RNF216: variants seen among roughly 807,000 people sequenced by gnomAD.
RNF216 encodes E3 ubiquitin-protein ligase RNF216.
In RNF216, 72 loss-of-function variants were observed where a neutral mutation model predicts 110.8. The observed-to-expected ratio is 0.65, with a 90% CI of 0.54 to 0.79. RNF216 has a LOEUF of 0.79. Ranked by LOEUF, RNF216 falls within the 30% of genes least tolerant of loss-of-function variation. The probability of loss-of-function intolerance (pLI) is 0.00; values close to 1 mark genes in which losing one functional copy is unlikely to be tolerated. For missense variants in RNF216, 1,342 were observed against 1,141.2 expected, an observed-to-expected ratio of 1.18 and a Z score of -2.54; for synonymous variants, 495 against 407.5, an observed-to-expected ratio of 1.21 and a Z score of -2.59.
At chr7:5,699,442 C>T (rs954075899) in intron 13 of RNF216, among the ~76,000 whole-genome samples, 3 of 152,164 alleles carry the variant, frequency 2.0e-5, no homozygotes, top group African/African-American at 7.2e-5. Flanking sequence ...TAGCAAATAC[C>T]TAGACCTCAG....
chr7:5,630,439 G>A (rs995378480), intron 15 of RNF216, among the ~76,000 whole-genome samples: 2 of 152,128 alleles, frequency 1.3e-5, no homozygotes, highest in East Asian at 3.9e-4. Flanking sequence ...GTAAAATGGC[G>A]TGATTATAGC....
intron 13 of RNF216, among the ~76,000 whole-genome samples, chr7:5,690,705 G>A (rs923568022): frequency 2.0e-4 from 31 of 152,150 alleles, no homozygotes; most frequent in African/African-American, 7.2e-4. Context: ...GAAGTGCCCA[G>A]GGCTAGTGAG....
chr7:5,621,942 G>C lies in RNF216; in HGVS notation c.*918C>G, dbSNP rs987470280. On this transcript the variant is annotated 3_prime_UTR_variant, in exon 17 of 17. Transcript: ENST00000389902. ...TTCAGCAACCACTGAGAACACCCGG[G>C]GCACACACGGGGCAGGGGTGGCACC... 1 of 152,438 alleles carries C rather than the reference G, an allele frequency of 6.6e-6. No individual in the cohort carries two copies. 9.4% of individuals were successfully genotyped at this position (152,438 alleles called of 1,614,324 possible). A position where few individuals can be genotyped will look rare whatever the true frequency, so the allele number is the denominator to read the frequency against.
chr7:5,752,957 C>A lies in RNF216; in HGVS notation c.90G>T (p.Gly30=). The change falls in exon 3 of 17, where the codon GGG becomes GGT. Residue 30 remains glycine (G), a synonymous_variant. Transcript: ENST00000389902. ...CTGAGGAGTCAGATATGGTGATGGG[C>A]CCATCTCGGAGATTGATCCACTCTA... The part of the protein sequence containing the change: ...RGQEWINLRD[G]PITISDSSDE... 6.2e-7 allele frequency: 1 copy of A among 1,611,126 alleles called. No individual in the cohort carries two copies. Among genetic ancestry groups the A allele is most frequent in the Non-Finnish European group, 8.5e-7 (1 of 1,178,806 alleles).
chr7:5,722,307 A>C (rs1250228645), intron 8 of RNF216, among the ~76,000 whole-genome samples: 1 of 148,000 alleles, frequency 6.8e-6, no homozygotes, highest in Non-Finnish European at 1.5e-5. Context: ...TGATTTTAAT[A>C]TTTACTATCT....
chr7:5,723,646 C>CAAA (rs948474564), intron 8 of RNF216, among the ~76,000 whole-genome samples: 1 of 136,802 alleles, frequency 7.3e-6, no homozygotes, highest in Non-Finnish European at 1.6e-5. Flanking sequence ...GACTCCGTCT[C>CAAA]AAAAAAAAAA....
chr7:5,630,821 C>A (rs577103173), intron 15 of RNF216, among the ~76,000 whole-genome samples: 9 of 152,318 alleles, frequency 5.9e-5, no homozygotes, highest in African/African-American at 2.2e-4. Context: ...CTCCCTGAGT[C>A]AGGCACTATG....
chr7:5,741,554 C>G lies in RNF216; in HGVS notation c.463G>C (p.Glu155Gln). 2 of 1,614,170 alleles carry G rather than the reference C, an allele frequency of 1.2e-6. No homozygotes were observed. The highest frequency in any genetic ancestry group is 1.7e-6 in the Non-Finnish European group (2 of 1,180,038). ...FTKPSGQTEREPKPGPSHNQA... is the reference protein window; with the variant it reads ...FTKPSGQTERQPKPGPSHNQA... The stretch of plus-strand genomic sequence containing the variant: ...TTATGACTCGGTCCAGGCTTGGGTT[C>G]TCTTTCTGTTTGGCCACTTGGCTTA... Residue 155 changes from glutamate to glutamine, a missense_variant, in exon 4 of 17, where the codon GAA becomes CAA. Physicochemically the swap from Glu to Gln is conservative, Grantham distance 29. Transcript: ENST00000389902.
chr7:5,716,902 A>T, intron 9 of RNF216, 136 bp from the exon 10 acceptor site: 1 of 578,858 alleles, frequency 1.7e-6, no homozygotes, highest in Non-Finnish European at 2.9e-6. Flanking sequence ...CAAAAAGGTT[A>T]CCTGTGAATA....
intron 3 of RNF216, among the ~76,000 whole-genome samples, chr7:5,746,232 G>A (rs1302533919): frequency 6.6e-6 from 1 of 152,194 alleles, no homozygotes; most frequent in Non-Finnish European, 1.5e-5. Context: ...AGGCTGCACT[G>A]TGAGAGAGCA....
intron 13 of RNF216, among the ~76,000 whole-genome samples, chr7:5,670,840 G>A (rs942378588): frequency 6.6e-6 from 1 of 152,176 alleles, no homozygotes; most frequent in Non-Finnish European, 1.5e-5. Context: ...TGTAGTGGTG[G>A]CCATATAAGG....
chr7:5,623,066 G>C lies in RNF216; in HGVS notation c.2566C>G (p.Pro856Ala), dbSNP rs777866534. The stretch of plus-strand genomic sequence containing the variant: ...AAGGGTGGGTGCGCGAAGGCATAGG[G>C]TGGCATCTGTGGCTGTGGCAGGTTC... ...PQNLPQPQMP[P>A]YAFAHPPFPL... Residue 856 changes from proline to alanine, a missense_variant, in exon 17 of 17, where the codon CCC becomes GCC. By Grantham distance (27) the Pro-to-Ala change is conservative. Coordinates refer to ENST00000389902, the MANE Select transcript of RNF216 (RefSeq NM_207111.4). 1 of 1,613,056 alleles carries C rather than the reference G, an allele frequency of 6.2e-7. No homozygotes were observed. The highest frequency in any genetic ancestry group is 2.2e-5 in the East Asian group (1 of 44,852).
chr7:5,634,307 G>A (rs777967278), intron 15 of RNF216, among the ~76,000 whole-genome samples: 1 of 152,202 alleles, frequency 6.6e-6, no homozygotes, highest in Non-Finnish European at 1.5e-5. Context: ...TGAGATTCTG[G>A]GGGTGGGTTG....
At chr7:5,769,121 CT>C (rs68129648) in intron 1 of RNF216, among the ~76,000 whole-genome samples, 97,673 of 128,470 alleles carry the variant, frequency 0.76, 37,440 homozygotes, top group East Asian at 0.86. Flanking sequence ...TTCCAAATGC[CT>C]TTTTTTTTTT....
At chr7:5,707,038 T>G (rs1267147267) in intron 13 of RNF216, among the ~76,000 whole-genome samples, 2 of 152,240 alleles carry the variant, frequency 1.3e-5, no homozygotes, top group East Asian at 1.9e-4. Flanking sequence ...GACTACCTTT[T>G]CCCCCGGTGG....
chr7:5,733,417 G>T (rs1446903012), intron 5 of RNF216, among the ~76,000 whole-genome samples: 1 of 152,120 alleles, frequency 6.6e-6, no homozygotes, highest in South Asian at 2.1e-4. Flanking sequence ...ATTTGATTAC[G>T]TTTTAGTGAT....
rs13239275 is a variant in RNF216, at chr7:5,722,010, C to G, written c.1505-838G>C. 5.3e-3 allele frequency among the ~76,000 whole-genome samples: 803 copies of G among 152,326 alleles called. 5 individuals carry two copies. The highest frequency in any genetic ancestry group is 6.8e-3 in the Middle Eastern group (2 of 294). ...CATTCACAGATCACTGCAGCCTCAA[C>G]TCCTGGGCTCAGGCAATCCTCCCGC... On this transcript the variant is annotated intron_variant, in intron 8 of 16. Coordinates refer to ENST00000389902, the MANE Select transcript of RNF216 (RefSeq NM_207111.4).
At chr7:5,713,901 T>A (rs1176512565) in intron 11 of RNF216, among the ~76,000 whole-genome samples, 1 of 152,242 alleles carries the variant, frequency 6.6e-6, no homozygotes, top group Non-Finnish European at 1.5e-5. Context: ...GCTTAAGGAA[T>A]TTAAATTGCT....
chr7:5,695,936 G>A (rs374932674), intron 13 of RNF216, among the ~76,000 whole-genome samples: 73 of 152,286 alleles, frequency 4.8e-4, no homozygotes, highest in Non-Finnish European at 8.7e-4. Flanking sequence ...CATGTTTCCC[G>A]TCAGAACGCA....
Sources: gnomAD v4.1 joint callset for allele counts (sites outside exome capture counted in the v4.1 genomes callset) on GRCh38, gnomAD v4.1.1 for gene constraint, MANE v1.5 for transcripts, NCBI Gene and HGNC (gene_info 2026-07-23, HGNC 2026-07-21) for gene names.